Variants in PARD3 observed in about 807,000 individuals in gnomAD.
PARD3 encodes the protein partitioning defective 3 homolog.
A neutral mutation model predicts 155.4 loss-of-function variants in PARD3; 75 were observed. The ratio of observed to expected loss-of-function variants is 0.48; its 90% confidence interval spans 0.40 to 0.58. The LOEUF is 0.58. PARD3 is among the 20% of genes least tolerant of loss of function. The probability of loss-of-function intolerance (pLI) is 0.00; values close to 1 mark genes in which losing one functional copy is unlikely to be tolerated. For synonymous variants in PARD3, 576 were observed against 610.5 expected, an observed-to-expected ratio of 0.94 and a Z score of 0.83; for missense variants, 1,642 against 1,721.7, an observed-to-expected ratio of 0.95 and a Z score of 0.82.
intron 1 of PARD3, among the ~76,000 whole-genome samples, chr10:34,803,885 T>A (rs1199136674): frequency 6.6e-6 from 1 of 152,180 alleles, no homozygotes; most frequent in Non-Finnish European, 1.5e-5. Context: ...GGAAAAAATA[T>A]TCCTGATAGG....
At chr10:34,508,177 A>T (rs1265870920) in intron 3 of PARD3, among the ~76,000 whole-genome samples, 1 of 152,224 alleles carries the variant, frequency 6.6e-6, no homozygotes, top group African/African-American at 2.4e-5. Context: ...GAAGATAGTA[A>T]AATCTTATCA....
Position 34,233,885 on chromosome 10 carries a change from T to C in PARD3, c.3419+35772A>G, listed in dbSNP as rs564498536. On this transcript the variant is annotated intron_variant, in intron 22 of 24. Transcript: ENST00000374788. The stretch of plus-strand genomic sequence containing the variant: ...TACTGTCTGTCTCTGAGCTCCAAGG[T>C]GGCCCTTTACACTCTGCACTGTGAT... Among the ~76,000 whole-genome samples, 4 of 152,194 alleles carry C rather than the reference T, an allele frequency of 2.6e-5. No individual in the cohort carries two copies. The East Asian group carries it at 7.7e-4, about 29-fold the overall frequency.
At chr10:34,774,936 T>A (rs976315238) in intron 1 of PARD3, among the ~76,000 whole-genome samples, 1 of 152,250 alleles carries the variant, frequency 6.6e-6, no homozygotes, top group Non-Finnish European at 1.5e-5. Flanking sequence ...GTTACGAAGA[T>A]GTATGTAATA....
chr10:34,279,081 T>C (rs1297085658), intron 21 of PARD3, among the ~76,000 whole-genome samples: 1 of 151,764 alleles, frequency 6.6e-6, no homozygotes, highest in African/African-American at 2.4e-5. Context: ...ATAAAATCGG[T>C]TTCAGATATA....
chr10:34,672,578 G>A (rs570535661), intron 2 of PARD3, among the ~76,000 whole-genome samples: 1 of 152,360 alleles, frequency 6.6e-6, no homozygotes, highest in South Asian at 2.1e-4. Context: ...AGCACTTTGA[G>A]AGGCCAAGGC....
chr10:34,508,210 A>C (rs74928969), intron 3 of PARD3, among the ~76,000 whole-genome samples: 5,341 of 152,332 alleles, frequency 0.035, 124 homozygotes, highest in Non-Finnish European at 0.049. Flanking sequence ...CCATCATTTC[A>C]GACAAATTTC....
chr10:34,265,430 A>C (rs2133832074), intron 22 of PARD3, among the ~76,000 whole-genome samples: 1 of 152,310 alleles, frequency 6.6e-6, no homozygotes, highest in South Asian at 2.1e-4. Flanking sequence ...TAAGCAGTGA[A>C]ATGTAGAACA....
chr10:34,427,936 G>A (rs1371486096), intron 5 of PARD3, among the ~76,000 whole-genome samples: 2 of 152,134 alleles, frequency 1.3e-5, no homozygotes, highest in Non-Finnish European at 2.9e-5. Flanking sequence ...ATATCACCAT[G>A]TAGAGGAATG....
At chr10:34,200,845 C>A (rs909937516) in intron 22 of PARD3, among the ~76,000 whole-genome samples, 2 of 152,160 alleles carry the variant, frequency 1.3e-5, no homozygotes, top group Non-Finnish European at 1.5e-5. Context: ...CTGCAGTGGT[C>A]GACACAGGCA....
intron 1 of PARD3, among the ~76,000 whole-genome samples, chr10:34,749,681 T>C (rs1388337028): frequency 6.6e-6 from 1 of 152,114 alleles, no homozygotes; most frequent in African/African-American, 2.4e-5. Context: ...ATGGACTTCT[T>C]GGATAGTCAG....
At position 34,363,236 on chromosome 10, in the gene PARD3, A is replaced by G. The variant is rs114075308; in HGVS notation, c.1708-2977T>C. Among the ~76,000 whole-genome samples, 1,522 of 152,320 alleles carry G rather than the reference A, an allele frequency of 1.0e-2. 19 individuals are homozygous for G. The highest frequency in any genetic ancestry group is 0.034 in the African/African-American group (1,397 of 41,568). ...TCAGGATAAGGAGCTGGCTGCATAT[A>G]TGAAGAAAAATTTTAATCAAGTTGC... is the stretch of plus-strand genomic sequence containing the variant. On this transcript the variant is annotated intron_variant, in intron 12 of 24. Transcript: ENST00000374788.
intron 1 of PARD3, among the ~76,000 whole-genome samples, chr10:34,710,341 A>G (rs987649626): frequency 3.9e-5 from 6 of 152,214 alleles, no homozygotes; most frequent in South Asian, 2.1e-4. Flanking sequence ...GTGCTTGTCT[A>G]TATTTCCTGG....
At chr10:34,611,699 C>T (rs2090901176) in intron 2 of PARD3, among the ~76,000 whole-genome samples, 2 of 151,966 alleles carry the variant, frequency 1.3e-5, no homozygotes, top group African/African-American at 2.4e-5. Context: ...CCTAAGGCCC[C>T]GTACGCAATT....
chr10:34,747,224 C>G (rs116552453), intron 1 of PARD3, among the ~76,000 whole-genome samples: 275 of 152,118 alleles, frequency 1.8e-3, no homozygotes, highest in African/African-American at 6.1e-3. Context: ...TTCCCTTTAG[C>G]TTTAGGAATT....
In PARD3 at chr10:34,162,271, C is replaced by A. The variant is rs151265457; in HGVS notation, c.3420-30688G>T. 1.6e-3 allele frequency among the ~76,000 whole-genome samples: 251 copies of A among 152,262 alleles called. 1 individual carries two copies. The highest frequency in any genetic ancestry group is 6.8e-3 in the Middle Eastern group (2 of 294). The stretch of plus-strand genomic sequence containing the variant: ...AACCTTATACAAACAGGGAACCCAG[C>A]GCCATCAGCTTGGATATATAGAAGC... On this transcript the variant is annotated intron_variant, in intron 22 of 24. Coordinates refer to ENST00000374788, the MANE Select transcript of PARD3 (RefSeq NM_001184785.2).
intron 1 of PARD3, among the ~76,000 whole-genome samples, chr10:34,711,809 A>C (rs889377968): frequency 6.6e-6 from 1 of 152,164 alleles, no homozygotes; most frequent in African/African-American, 2.4e-5. Flanking sequence ...AAATGCGTGG[A>C]CATGCCAGGC....
chr10:34,260,810 T>G (rs1954917072), intron 22 of PARD3, among the ~76,000 whole-genome samples: 1 of 152,212 alleles, frequency 6.6e-6, no homozygotes, highest in South Asian at 2.1e-4. Flanking sequence ...TACAACTTTG[T>G]TATATGACCC....
At chr10:34,250,111 G>A (rs1327767711) in intron 22 of PARD3, among the ~76,000 whole-genome samples, 1 of 151,254 alleles carries the variant, frequency 6.6e-6, no homozygotes, top group African/African-American at 2.5e-5. Context: ...AAATTTACAC[G>A]TTATTATCAG....
chr10:34,601,571 T>A (rs2089785251), intron 2 of PARD3, among the ~76,000 whole-genome samples: 1 of 152,198 alleles, frequency 6.6e-6, no homozygotes, highest in African/African-American at 2.4e-5. Context: ...AGAAAACTCA[T>A]TATAGAGCGG....
Sources: allele counts gnomAD v4.1 joint callset (sites outside exome capture counted in the v4.1 genomes callset), GRCh38; gene constraint gnomAD v4.1.1; transcripts MANE v1.5; gene names NCBI Gene and HGNC (gene_info 2026-07-23, HGNC 2026-07-21).